The following NGB variants were observed in gnomAD, a reference collection of about 807,000 sequenced individuals.
NGB encodes the protein neuroglobin, also known as nitrite reductase.
A neutral mutation model predicts 17.3 loss-of-function variants in NGB; 12 were observed. The observed-to-expected ratio is 0.69, with a 90% CI of 0.45 to 1.13. NGB has a LOEUF of 1.13. Ranked by LOEUF, NGB falls within the 50% of genes most tolerant of loss-of-function variation. The pLI, the probability that NGB is intolerant of heterozygous loss-of-function variation, is 0.00. For missense variants in NGB, 195 were observed against 191.7 expected, an observed-to-expected ratio of 1.02 and a Z score of -0.10; for synonymous variants, 87 against 81.0, an observed-to-expected ratio of 1.07 and a Z score of -0.40.
In NGB at chr14:77,266,555, C is replaced by T. The variant is rs150881015; in HGVS notation, c.437G>A (p.Arg146Gln). 11 of 1,613,480 alleles carry T rather than the reference C, an allele frequency of 6.8e-6. No individual in the cohort carries two copies. Among genetic ancestry groups the T allele is most frequent in the African/African-American group, 1.3e-5 (1 of 74,934 alleles). ...LYGAVVQAMS[R>Q]GWDGE is the part of the protein sequence containing the mutation. ...CGCCTCTTACTCGCCATCCCAGCCTCGACTCATGGCCTGCACTACGGCCCC... is the reference window on the plus strand; with the variant it reads ...CGCCTCTTACTCGCCATCCCAGCCTTGACTCATGGCCTGCACTACGGCCCC... The change falls in exon 4 of 4, where the codon CGA becomes CAA. Residue 146 changes from arginine to glutamine, a missense_variant. Arg to Gln is a conservative substitution (Grantham distance 43). Transcript: ENST00000298352.
chr14:77,269,721 T>C (rs867490263), intron 1 of NGB, among the ~76,000 whole-genome samples: 18 of 2,640 alleles, frequency 6.8e-3, no homozygotes, highest in South Asian at 0.025. Flanking sequence ...TCTCTCTCTC[T>C]CTCTCTTCTC....
intron 2 of NGB, 63 bp downstream of exon 2, chr14:77,269,152 T>C: frequency 9.3e-7 from 1 of 1,076,364 alleles, no homozygotes; most frequent in Non-Finnish European, 1.4e-6. Context: ...ATTTTCTCCA[T>C]TCTCCACCAG....
intron 1 of NGB, 24 bp downstream of exon 1, chr14:77,270,825 C>A (rs753572047): frequency 6.5e-7 from 1 of 1,546,906 alleles, no homozygotes; most frequent in Non-Finnish European, 8.7e-7. Flanking sequence ...CACCCGCATC[C>A]CCGGGCGCTC....
At chr14:77,266,925 A>G (rs1235639196) in intron 3 of NGB, among the ~76,000 whole-genome samples, 2 of 152,206 alleles carry the variant, frequency 1.3e-5, no homozygotes, top group African/African-American at 4.8e-5. Context: ...CCACCCCATG[A>G]GTGGGGCCAA....
chr14:77,267,078 C>T (rs1279137347), intron 3 of NGB, among the ~76,000 whole-genome samples: 2 of 152,212 alleles, frequency 1.3e-5, no homozygotes, highest in African/African-American at 4.8e-5. Context: ...TCTGACTCCA[C>T]CCTTCATCAG....
intron 1 of NGB, 88 bp from the exon 2 acceptor site, chr14:77,269,414 G>T (rs1041928615): frequency 1.1e-5 from 10 of 870,378 alleles, no homozygotes; most frequent in African/African-American, 1.0e-4. Flanking sequence ...CAGCGGGCGG[G>T]GGTGCCAAGC....
chr14:77,269,320 A>C lies in NGB; in HGVS notation c.96T>G (p.Phe32Leu). ...GGGGCAGCAGGTCAGGCTCCAGGGCAAACAGCCTGTGGGAGTGAGGCCCAG... is the reference window on the plus strand; with the variant it reads ...GGGGCAGCAGGTCAGGCTCCAGGGCCAACAGCCTGTGGGAGTGAGGCCCAG... ...EHGTVLFARLFALEPDLLPLF... is the reference protein window; with the variant it reads ...EHGTVLFARLLALEPDLLPLF... Residue 32 changes from phenylalanine (F) to leucine (L), a missense_variant, in exon 2 of 4, where the codon TTT becomes TTG. Physicochemically the swap from Phe to Leu is conservative, Grantham distance 22. Transcript: ENST00000298352. 1 of 1,549,568 alleles carries C rather than the reference A, an allele frequency of 6.5e-7. No homozygotes were observed. Among genetic ancestry groups the C allele is most frequent in the Non-Finnish European group, 8.7e-7 (1 of 1,145,164 alleles).
chr14:77,271,079 G>A lies in NGB; in HGVS notation c.-142C>T, dbSNP rs919686210. The A allele has an allele frequency of 2.3e-5, 13 of 572,392 alleles. No individual in the cohort carries two copies. The highest frequency in any genetic ancestry group is 3.5e-5 in the Non-Finnish European group (12 of 347,258). 35.5% of individuals were successfully genotyped at this position (572,392 alleles called of 1,614,324 possible). On this transcript the variant is annotated 5_prime_UTR_variant, in exon 1 of 4. Transcript: ENST00000298352. ...GTGCCTCCGCCCGGCGGGGGCCGCA[G>A]CCGCTCCTTCCCTGGCGCGGGAGAG... is the stretch of plus-strand genomic sequence containing the variant.
intron 1 of NGB, among the ~76,000 whole-genome samples, chr14:77,270,110 G>A (rs1466026649): frequency 2.0e-5 from 3 of 152,048 alleles, no homozygotes; most frequent in Non-Finnish European, 4.4e-5. Flanking sequence ...TGGTTTTGCG[G>A]AAGCCTGGGT....
rs1324516150 is a variant in NGB at position 77,269,207 on chromosome 14, C to G, written c.201+8G>C. The G allele has an allele frequency of 6.6e-7, 1 of 1,524,290 alleles. No individual in the cohort carries two copies. Among genetic ancestry groups the G allele is most frequent in the East Asian group, 2.4e-5 (1 of 40,822 alleles). 94.4% of individuals were successfully genotyped at this position (1,524,290 alleles called of 1,614,324 possible). ...CCAGAGGTCACAGCAGCTCTGCCTC[C>G]CTCTCACCTTCCTGATGTGGTCCAG... On this transcript the variant is annotated splice_region_variant and intron_variant, in intron 2 of 3. Transcript: ENST00000298352.
At chr14:77,269,113 G>A in intron 2 of NGB, 102 bp downstream of exon 2, 1 of 739,064 alleles carries the variant, frequency 1.4e-6, no homozygotes, top group Non-Finnish European at 2.3e-6. Flanking sequence ...AACTGGAAGG[G>A]AGTAAGACTA....
intron 3 of NGB, among the ~76,000 whole-genome samples, chr14:77,268,260 G>A (rs1220932556): frequency 2.0e-5 from 3 of 152,210 alleles, no homozygotes; most frequent in Admixed American, 2.0e-4. Flanking sequence ...GGTTTTAAAA[G>A]AAGCCATATC....
intron 1 of NGB, among the ~76,000 whole-genome samples, chr14:77,270,581 C>A (rs531448248): frequency 6.6e-6 from 1 of 152,330 alleles, no homozygotes; most frequent in Non-Finnish European, 1.5e-5. Flanking sequence ...TGGGGAGATC[C>A]GCGGGAGGGG....
At chr14:77,269,784 C>CTCTCT (rs1889738483) in intron 1 of NGB, among the ~76,000 whole-genome samples, 1 of 11,154 alleles carries the variant, frequency 9.0e-5, no homozygotes, top group Non-Finnish European at 1.5e-4. Context: ...TCTCTCTCTC[C>CTCTCT]CTCTCCCTCT....
rs117207261 is a variant in NGB at position 77,269,238 on chromosome 14, C to G, written c.178G>C (p.Glu60Gln). The stretch of plus-strand genomic sequence containing the variant: ...ACCTTCCTGATGTGGTCCAGGAACT[C>G]AGGCGAGGAGAGACAGTCCTCTGGG... The part of the protein sequence containing the change: ...SSPEDCLSSP[E>Q]FLDHIRKVML... The change falls in exon 2 of 4, where the codon GAG becomes CAG. Residue 60 changes from glutamate to glutamine, a missense_variant. Transcript: ENST00000298352. 1.8e-4 allele frequency: 285 copies of G among 1,551,244 alleles called. 2 individuals carry two copies. The East Asian group carries it at 6.7e-3, about 36-fold the overall frequency.
intron 3 of NGB, among the ~76,000 whole-genome samples, chr14:77,267,186 G>GA (rs1345381366): frequency 6.6e-6 from 1 of 152,178 alleles, no homozygotes; most frequent in Non-Finnish European, 1.5e-5. Context: ...GGCCTGTTGG[G>GA]ATGATTAAAT....
intron 3 of NGB, among the ~76,000 whole-genome samples, chr14:77,266,912 C>T (rs992295490): frequency 2.0e-5 from 3 of 152,228 alleles, no homozygotes; most frequent in African/African-American, 7.2e-5. Flanking sequence ...CTTGGTCTTG[C>T]AACCACCCCA....
At position 77,269,324 on chromosome 14, in the gene NGB, A is replaced by G; in HGVS notation, c.92T>C (p.Leu31Pro). The G allele has an allele frequency of 3.2e-6, 5 of 1,547,636 alleles. No individual in the cohort carries two copies. Among genetic ancestry groups the G allele is most frequent in the South Asian group, 1.2e-5 (1 of 83,980 alleles). Residue 31 changes from leucine to proline, a missense_variant and splice_region_variant, in exon 2 of 4, where the codon CTG (leucine) becomes CCG (proline). Physicochemically the swap from Leu to Pro is moderately conservative, Grantham distance 98. Coordinates refer to ENST00000298352, the MANE Select transcript of NGB (RefSeq NM_021257.4). The part of the protein sequence containing the change: ...LEHGTVLFAR[L>P]FALEPDLLPL... ...CAGCAGGTCAGGCTCCAGGGCAAACAGCCTGTGGGAGTGAGGCCCAGGTGT... is the reference window on the plus strand; with the variant it reads ...CAGCAGGTCAGGCTCCAGGGCAAACGGCCTGTGGGAGTGAGGCCCAGGTGT...
intron 3 of NGB, among the ~76,000 whole-genome samples, chr14:77,267,942 C>T (rs1889696342): frequency 6.6e-6 from 1 of 152,236 alleles, no homozygotes; most frequent in Admixed American, 6.5e-5. Context: ...GGGGCTTGTC[C>T]TCTAAAAACT....
Sources: gnomAD v4.1 joint callset for allele counts (sites outside exome capture counted in the v4.1 genomes callset) on GRCh38, gnomAD v4.1.1 for gene constraint, MANE v1.5 for transcripts, NCBI Gene and HGNC (gene_info 2026-07-23, HGNC 2026-07-21) for gene names.